Variants in CTR9 observed in about 807,000 individuals in gnomAD.
CTR9 encodes the protein CTR9 component of Paf1/RNA polymerase II complex.
Under a neutral mutation model 152.1 loss-of-function variants are expected in CTR9, and 41 were observed. The ratio of observed to expected loss-of-function variants is 0.27; its 90% CI spans 0.21 to 0.35. The LOEUF is 0.35. Among genes scored for constraint, CTR9 ranks in the 10% least tolerant of loss-of-function variants. The pLI, the probability that CTR9 is intolerant of heterozygous loss-of-function variation, is 1.00. For missense variants in CTR9, 917 were observed against 1,424.4 expected, an observed-to-expected ratio of 0.64 and a Z score of 5.73; for synonymous variants, 476 against 496.2, an observed-to-expected ratio of 0.96 and a Z score of 0.54.
intron 12 of CTR9, 145 bp from the exon 13 acceptor site, chr11:10,766,257 G>GA (rs1863057718): frequency 7.8e-6 from 5 of 641,172 alleles, no homozygotes; most frequent in Non-Finnish European, 1.3e-5. Flanking sequence ...TTGGATGGAT[G>GA]ATTGATATTT....
At chr11:10,775,170 C>G in intron 22 of CTR9, 37 bp from the exon 23 acceptor site, 1 of 1,526,166 alleles carries the variant, frequency 6.6e-7, no homozygotes, top group Non-Finnish European at 9.1e-7. Context: ...TATAGGTAGG[C>G]TCTTGACAAA....
Position 10,760,252 on chromosome 11 carries a change from C to T in CTR9, c.672C>T (p.Ala224=). ...AAGCTCGTCTGGCATTCAGCAGAGC[C>T]CTGGAACTCAATTCCAAATGCGTGG... The part of the protein sequence containing the change: ...LEKARLAFSR[A]LELNSKCVGA... The change falls in exon 6 of 25, where the codon GCC becomes GCT. Residue 224 remains alanine (A), a synonymous_variant. Coordinates refer to ENST00000361367, the MANE Select transcript of CTR9 (RefSeq NM_014633.5). The T allele has an allele frequency of 6.2e-7, 1 of 1,614,008 alleles. No individual in the cohort carries two copies. The highest frequency in any genetic ancestry group is 8.5e-7 in the Non-Finnish European group (1 of 1,179,944).
At chr11:10,751,563 G>C (rs1447021814) in intron 1 of CTR9, 106 bp downstream of exon 1, 4 of 1,118,424 alleles carry the variant, frequency 3.6e-6, no homozygotes, top group Admixed American at 2.0e-5. Context: ...CCTTCCCTAA[G>C]AGCCCTGATC....
chr11:10,770,680 G>T, intron 18 of CTR9, 48 bp downstream of exon 18: 2 of 1,548,236 alleles, frequency 1.3e-6, no homozygotes, highest in South Asian at 2.4e-5. Flanking sequence ...TTTGGTCTAT[G>T]ACCATACCAT....
At chr11:10,758,769 C>T (rs1832753243) in intron 5 of CTR9, among the ~76,000 whole-genome samples, 1 of 152,092 alleles carries the variant, frequency 6.6e-6, no homozygotes, top group Admixed American at 6.5e-5. Flanking sequence ...ATCCCCCTCA[C>T]ATGGAGCAAT....
chr11:10,778,577 T>C, intron 24 of CTR9, 102 bp from the exon 25 acceptor site: 5 of 1,072,360 alleles, frequency 4.7e-6, no homozygotes, highest in Non-Finnish European at 6.7e-6. Flanking sequence ...GGTCAAGAAA[T>C]AGAATATTAA....
chr11:10,760,926 TATAAAG>T (rs1310541462), intron 6 of CTR9, among the ~76,000 whole-genome samples: 2 of 152,228 alleles, frequency 1.3e-5, no homozygotes, highest in Non-Finnish European at 2.9e-5. Context: ...ACATCGGTCT[TATAAAG>T]AGGGAGGAAA....
At position 10,779,461 on chromosome 11, in the gene CTR9, G is replaced by T; in HGVS notation, c.*356G>T. On this transcript the variant is annotated 3_prime_UTR_variant, in exon 25 of 25. Coordinates refer to ENST00000361367, the MANE Select transcript of CTR9 (RefSeq NM_014633.5). ...GCAGCATACTCTTCTGATTTTTATT[G>T]CAATCTTTTACCAAGTGGTGCACAA... 5.6e-6 allele frequency: 1 copy of T among 179,842 alleles called. No homozygotes were observed. Among genetic ancestry groups the T allele is most frequent in the South Asian group, 1.3e-4 (1 of 7,758 alleles). The allele number at this position is 179,842 out of a possible 1,614,324, so 11.1% of individuals were successfully genotyped here.
Position 10,755,204 on chromosome 11 carries a change from A to G in CTR9, c.384+7A>G. 6.3e-7 allele frequency: 1 copy of G among 1,592,666 alleles called. No homozygotes were observed. Among genetic ancestry groups the G allele is most frequent in the Non-Finnish European group, 8.5e-7 (1 of 1,169,742 alleles). The stretch of plus-strand genomic sequence containing the variant: ...AATTATTATGTATGATCAGGTAAAA[A>G]TAAAGTCAAATTTCTTTCCATTTAT... On this transcript the variant is annotated splice_region_variant and intron_variant, in intron 3 of 24. Transcript: ENST00000361367.
rs756117330 is a variant in CTR9 at position 10,779,123 on chromosome 11, A to G, written c.*18A>G. The stretch of plus-strand genomic sequence containing the variant: ...GTGACTAGGTTTTATTTCATCAATA[A>G]GCTTCATCTCTGGAGGAAACTTTTT... On this transcript the variant is annotated 3_prime_UTR_variant, in exon 25 of 25. Transcript: ENST00000361367. 5 of 1,570,678 alleles carry G rather than the reference A, an allele frequency of 3.2e-6. No individual in the cohort carries two copies. The highest frequency in any genetic ancestry group is 2.3e-5 in the East Asian group (1 of 44,148).
rs746242702 is a variant in CTR9, at chr11:10,763,629, T to C, written c.958-14T>C. On this transcript the variant is annotated splice_polypyrimidine_tract_variant and intron_variant, in intron 8 of 24. Coordinates refer to ENST00000361367, the MANE Select transcript of CTR9 (RefSeq NM_014633.5). ...TTTTGTACATATTGGTCTTTTTTAA[T>C]TTTCATTCTTTAGGAAGATTATGAC... 7 of 1,586,316 alleles carry C rather than the reference T, an allele frequency of 4.4e-6. No homozygotes were observed. The African/African-American group carries it at 8.2e-5, about 19-fold the overall frequency.
rs1231812734 is a variant in CTR9, at chr11:10,764,688, A to C, written c.1554A>C (p.Lys518Asn). ...TGTGTGAATTCCATGAAGCAGAAAA[A>C]CTGTATAAAAACATCTTACGCGAAC... The part of the protein sequence containing the change: ...EAMCEFHEAE[K>N]LYKNILREHP... Residue 518 changes from lysine (K) to asparagine (N), a missense_variant, in exon 12 of 25, where the codon AAA becomes AAC. By Grantham distance (94) the Lys-to-Asn change is moderately conservative. Around this residue, in one of 9 missense-constraint regions of CTR9, gnomAD observed 133 missense variants for 244.1 expected, o/e 0.54. Transcript: ENST00000361367. 1.2e-6 allele frequency: 2 copies of C among 1,611,968 alleles called. No homozygotes were observed. The highest frequency in any genetic ancestry group is 1.7e-6 in the Non-Finnish European group (2 of 1,178,254).
chr11:10,774,407 G>A (rs939591703), intron 22 of CTR9: 3 of 335,328 alleles, frequency 8.9e-6, no homozygotes, highest in Non-Finnish European at 1.6e-5. Flanking sequence ...AGTCATAATT[G>A]CCTTTCTTGT....
rs775516474 is a variant in CTR9 at position 10,774,149 on chromosome 11, AAAGAAG to A, written c.2868_2873del (p.Lys958_Lys959del). 5.0e-6 allele frequency: 8 copies of A among 1,607,362 alleles called. No individual in the cohort carries two copies. The Admixed American group carries it at 5.1e-5, about 10-fold the overall frequency. ...GTGAAGATGAGGAGGGTGGTGAGAG[AAAGAAG>A]AAAAAGAGGAGAAGGTAATGTCATC... On this transcript the variant is annotated inframe_deletion, in exon 22 of 25. Transcript: ENST00000361367.
Position 10,768,061 on chromosome 11 carries a change from C to CTT in CTR9, c.1873-12_1873-11dup. On this transcript the variant is annotated splice_polypyrimidine_tract_variant and intron_variant, in intron 14 of 24. Transcript: ENST00000361367. The stretch of plus-strand genomic sequence containing the variant: ...CTCGTTTGAATCTTTTTTAAGAGCA[C>CTT]TTGTTTCTATAGGAAAAGCGTCATC... 1 of 1,613,932 alleles carries CTT rather than the reference C, an allele frequency of 6.2e-7. No individual in the cohort carries two copies. Among genetic ancestry groups the CTT allele is most frequent in the East Asian group, 2.2e-5 (1 of 44,876 alleles).
Position 10,772,759 on chromosome 11 carries a change from C to T in CTR9, c.2580+104C>T, listed in dbSNP as rs761227598. Reference sequence around the variant, plus strand: ...CCTCTGCCAGGCGTGGTGGCTGACACCTCTAATTCCAACACTTTGGGAGGA... The same window carrying T: ...CCTCTGCCAGGCGTGGTGGCTGACATCTCTAATTCCAACACTTTGGGAGGA... On this transcript the variant is annotated intron_variant, in intron 20 of 24. Coordinates refer to ENST00000361367, the MANE Select transcript of CTR9 (RefSeq NM_014633.5). 9 of 1,181,332 alleles carry T rather than the reference C, an allele frequency of 7.6e-6. No individual in the cohort carries two copies. In the Admixed American group the frequency reaches 1.4e-4, roughly 19 times the overall value. The allele number at this position is 1,181,332 out of a possible 1,614,324, so 73.2% of individuals were successfully genotyped here. A position where few individuals can be genotyped will look rare whatever the true frequency, so the allele number is the denominator to read the frequency against.
At position 10,773,178 on chromosome 11, in the gene CTR9, C is replaced by T. The variant is rs1402421753; in HGVS notation, c.2632C>T (p.Arg878Trp). Residue 878 changes from arginine (R) to tryptophan (W), a missense_variant, in exon 21 of 25, where the codon CGG becomes TGG. Arg to Trp is a moderately radical substitution (Grantham distance 101). This residue lies in a region of CTR9 where 384 missense variants were observed against 398.4 expected (regional missense o/e 0.96). Transcript: ENST00000361367. ...KEEQKKLLEQRAQYVEKTKNI... is the reference protein window; with the variant it reads ...KEEQKKLLEQWAQYVEKTKNI... The stretch of plus-strand genomic sequence containing the variant: ...AGAGCAAAAGAAACTTTTGGAACAG[C>T]GGGCCCAGTATGTGGAGAAGACCAA... 3.1e-6 allele frequency: 5 copies of T among 1,612,196 alleles called. No individual in the cohort carries two copies. The highest frequency in any genetic ancestry group is 3.4e-6 in the Non-Finnish European group (4 of 1,179,604).
At chr11:10,758,255 G>C (rs955044289) in intron 5 of CTR9, among the ~76,000 whole-genome samples, 1 of 152,156 alleles carries the variant, frequency 6.6e-6, no homozygotes, top group Non-Finnish European at 1.5e-5. Context: ...TAAAAGGTTC[G>C]TTTGAGCTTT....
intron 24 of CTR9, among the ~76,000 whole-genome samples, chr11:10,778,399 A>G (rs1446965396): frequency 2.6e-5 from 4 of 152,146 alleles, no homozygotes; most frequent in Non-Finnish European, 5.9e-5. Context: ...CTTCATTCTG[A>G]TGAAAAGTGT....
Sources: allele counts gnomAD v4.1 joint callset (sites outside exome capture counted in the v4.1 genomes callset), GRCh38; gene constraint gnomAD v4.1.1; regional missense constraint gnomAD v4.1.1; transcripts MANE v1.5; gene names NCBI Gene and HGNC (gene_info 2026-07-23, HGNC 2026-07-21).